The following BDKRB2 variants were observed in gnomAD, a reference collection of about 807,000 sequenced individuals.
BDKRB2 encodes the protein B2 bradykinin receptor.
A neutral mutation model predicts 4.0 loss-of-function variants in BDKRB2; 6 were observed. The ratio of observed to expected loss-of-function variants is 1.49; its 90% CI spans 0.81 to 2.93. The LOEUF (loss-of-function observed/expected upper bound fraction) is 2.93. BDKRB2 is among the 30% of genes most tolerant of loss of function. The probability of loss-of-function intolerance (pLI) is 0.00; values close to 1 mark genes in which losing one functional copy is unlikely to be tolerated. For synonymous variants in BDKRB2, 225 were observed against 215.3 expected, an observed-to-expected ratio of 1.05 and a Z score of -0.40; for missense variants, 478 against 520.1, an observed-to-expected ratio of 0.92 and a Z score of 0.79.
intron 1 of BDKRB2, among the ~76,000 whole-genome samples, chr14:96,221,954 A>T (rs1890574187): frequency 6.6e-6 from 1 of 152,038 alleles, no homozygotes; most frequent in Admixed American, 6.5e-5. Flanking sequence ...TTCAGTTCTG[A>T]CATTATCTGC....
chr14:96,220,939 C>T (rs1325058536), intron 1 of BDKRB2, among the ~76,000 whole-genome samples: 3 of 152,060 alleles, frequency 2.0e-5, no homozygotes, highest in Non-Finnish European at 4.4e-5. Context: ...GCACACTTCC[C>T]ACCACCTGGG....
intron 1 of BDKRB2, among the ~76,000 whole-genome samples, chr14:96,214,124 C>T (rs1448861767): frequency 1.3e-5 from 2 of 152,156 alleles, no homozygotes; most frequent in East Asian, 3.9e-4. Flanking sequence ...TGCCCTGTGA[C>T]GGGGGCACCC....
In BDKRB2 at chr14:96,204,919, A is replaced by G. The variant is rs1322377565; in HGVS notation, c.-80A>G. On this transcript the variant is annotated 5_prime_UTR_variant, in exon 1 of 3. Coordinates refer to ENST00000554311, the MANE Select transcript of BDKRB2 (RefSeq NM_001379692.1). ...GGACATCAGGCTGCCCCGCAGTACCAGGGAGCGACTGAAGTGCCCATGCCG... is the reference window on the plus strand; with the variant it reads ...GGACATCAGGCTGCCCCGCAGTACCGGGGAGCGACTGAAGTGCCCATGCCG... The G allele has an allele frequency of 6.6e-6, 2 of 301,772 alleles. No homozygotes were observed. Among genetic ancestry groups the G allele is most frequent in the Admixed American group, 8.4e-5 (2 of 23,784 alleles). 18.7% of individuals were successfully genotyped at this position (301,772 alleles called of 1,614,324 possible). A position where few individuals can be genotyped will look rare whatever the true frequency, so the allele number is the denominator to read the frequency against.
chr14:96,231,238 A>G (rs1342971815), intron 1 of BDKRB2, among the ~76,000 whole-genome samples: 3 of 152,186 alleles, frequency 2.0e-5, no homozygotes, highest in Non-Finnish European at 4.4e-5. Flanking sequence ...TGTTTCCAGA[A>G]CATTCCAGGC....
At chr14:96,210,975 A>C (rs1213960406) in intron 1 of BDKRB2, 1 of 152,212 alleles carries the variant, frequency 6.6e-6, no homozygotes, top group African/African-American at 2.4e-5. Context: ...ACCTGTGCTC[A>C]TGTGCCTGCT....
At chr14:96,213,601 T>C (rs889444816) in intron 1 of BDKRB2, among the ~76,000 whole-genome samples, 8 of 152,028 alleles carry the variant, frequency 5.3e-5, no homozygotes, top group African/African-American at 1.4e-4. Flanking sequence ...ACACCTACAA[T>C]GTTTGATGTG....
chr14:96,238,291 G>A (rs1890985262), intron 2 of BDKRB2: 1 of 444,610 alleles, frequency 2.2e-6, no homozygotes, highest in East Asian at 1.6e-4. Flanking sequence ...TTCCAAGTAA[G>A]CAATGCAAAA....
At chr14:96,208,696 C>T (rs1246953579) in intron 1 of BDKRB2, among the ~76,000 whole-genome samples, 1 of 152,170 alleles carries the variant, frequency 6.6e-6, no homozygotes, top group Non-Finnish European at 1.5e-5. Flanking sequence ...AGAAAAAAGC[C>T]CTGTCCGACA....
In BDKRB2 at chr14:96,240,770, C is replaced by T. The variant is rs758629002; in HGVS notation, c.442C>T (p.Leu148=). The T allele has an allele frequency of 1.3e-6, 2 of 1,564,592 alleles. No homozygotes were observed. Among genetic ancestry groups the T allele is most frequent in the South Asian group, 1.2e-5 (1 of 81,890 alleles). Residue 148 remains leucine (L), a synonymous_variant, in exon 3 of 3, where the codon CTG becomes TTG. Transcript: ENST00000554311. ...SMNLYSSICF[L]MLVSIDRYLA... is the part of the protein sequence containing the mutation. ...GAACCTGTACAGCAGCATCTGTTTC[C>T]TGATGCTGGTGAGCATCGACCGCTA...
intron 1 of BDKRB2, among the ~76,000 whole-genome samples, chr14:96,235,072 G>A (rs1299618631): frequency 6.6e-6 from 1 of 152,120 alleles, no homozygotes; most frequent in African/African-American, 2.4e-5. Flanking sequence ...TTTAAGCCGG[G>A]TGCAGTGGCT....
intron 1 of BDKRB2, among the ~76,000 whole-genome samples, chr14:96,207,450 A>T (rs1346331502): frequency 6.6e-6 from 1 of 152,134 alleles, no homozygotes; most frequent in Non-Finnish European, 1.5e-5. Context: ...GTTGCCAGGA[A>T]TTAGGGGAGG....
At chr14:96,206,294 C>T (rs944126868) in intron 1 of BDKRB2, among the ~76,000 whole-genome samples, 1 of 152,138 alleles carries the variant, frequency 6.6e-6, no homozygotes, top group Admixed American at 6.5e-5. Flanking sequence ...CCACAGGCAG[C>T]ACCCCAGGCC....
At chr14:96,239,177 G>A in intron 2 of BDKRB2, 9 of 985,334 alleles carry the variant, frequency 9.1e-6, no homozygotes, top group Non-Finnish European at 1.1e-5. Flanking sequence ...CAGGGCACTG[G>A]GAAAATGCCC....
At chr14:96,227,092 T>A (rs755525783) in intron 1 of BDKRB2, among the ~76,000 whole-genome samples, 4 of 152,184 alleles carry the variant, frequency 2.6e-5, no homozygotes, top group South Asian at 2.1e-4. Flanking sequence ...GTAGACATCG[T>A]TTCACCTCTC....
intron 1 of BDKRB2, among the ~76,000 whole-genome samples, chr14:96,221,333 G>A (rs1890554768): frequency 6.6e-6 from 1 of 152,146 alleles, no homozygotes; most frequent in Non-Finnish European, 1.5e-5. Context: ...GAAATGCTCT[G>A]TAAATGCTGG....
chr14:96,235,016 A>T (rs1428439415), intron 1 of BDKRB2, among the ~76,000 whole-genome samples: 1 of 152,206 alleles, frequency 6.6e-6, no homozygotes, highest in Admixed American at 6.5e-5. Flanking sequence ...TCACCAGCAA[A>T]TGATAGACCG....
rs1885309253 is a variant in BDKRB2, at chr14:96,242,177, T to C, written c.*673T>C. 1 of 152,236 alleles carries C rather than the reference T, an allele frequency of 6.6e-6. No homozygotes were observed. Among genetic ancestry groups the C allele is most frequent in the African/African-American group, 2.4e-5 (1 of 41,448 alleles). The allele number at this position is 152,236 out of a possible 1,614,324, so 9.4% of individuals were successfully genotyped here. A position where few individuals can be genotyped will look rare whatever the true frequency, so the allele number is the denominator to read the frequency against. On this transcript the variant is annotated 3_prime_UTR_variant, in exon 3 of 3. Coordinates refer to ENST00000554311, the MANE Select transcript of BDKRB2 (RefSeq NM_001379692.1). ...GAAAGAGAAGGAGCCATCTCCATCT[T>C]GAAGGAACTCAAAGACTCAAGTGGG...
chr14:96,237,537 T>A (rs2139796813), intron 2 of BDKRB2, among the ~76,000 whole-genome samples: 1 of 152,134 alleles, frequency 6.6e-6, no homozygotes, highest in South Asian at 2.1e-4. Context: ...ACAAAATATC[T>A]CCAACACATG....
At chr14:96,208,952 T>A (rs942516156) in intron 1 of BDKRB2, among the ~76,000 whole-genome samples, 8 of 152,238 alleles carry the variant, frequency 5.3e-5, no homozygotes, top group Non-Finnish European at 8.8e-5. Context: ...TGGGGTGTTG[T>A]GACCTGTACA....
Sources: allele counts gnomAD v4.1 joint callset (sites outside exome capture counted in the v4.1 genomes callset), GRCh38; gene constraint gnomAD v4.1.1; transcripts MANE v1.5; gene names NCBI Gene and HGNC (gene_info 2026-07-23, HGNC 2026-07-21).